PTPRN: variants seen among roughly 807,000 people sequenced by gnomAD.
PTPRN encodes receptor-type tyrosine-protein phosphatase-like N.
Under a neutral mutation model 108.5 loss-of-function variants are expected in PTPRN, and 70 were observed. That is an observed-to-expected ratio of 0.65 (90% CI 0.53 to 0.79). PTPRN has a LOEUF of 0.79. Among genes scored for constraint, PTPRN ranks in the 30% least tolerant of loss-of-function variants. PTPRN has a pLI of 0.00. For synonymous variants in PTPRN, 496 were observed against 524.6 expected (o/e 0.95, Z 0.75); for missense variants, 1,136 against 1,295.5 (o/e 0.88, Z 1.89).
chr2:219,290,295 G>A lies in PTPRN; in HGVS notation c.2871C>T (p.Asp957=), dbSNP rs749985511. 5.6e-6 allele frequency: 9 copies of A among 1,613,522 alleles called. No individual in the cohort carries two copies. The African/African-American group carries it at 1.2e-4, about 22-fold the overall frequency. The stretch of plus-strand genomic sequence containing the variant: ...CGGCTGTCAGGGCAAATTCAAACTG[G>A]TCCTGAGGAAGGGCAGTGGTAGGAT... ...DQRPGLVRSK[D]QFEFALTAVA... The change falls in exon 23 of 23, where the codon GAC becomes GAT. Residue 957 remains aspartate, a splice_region_variant and synonymous_variant. Coordinates refer to ENST00000295718, the MANE Select transcript of PTPRN (RefSeq NM_002846.4). The surrounding 1 kb of genome is among the most constrained non-coding windows in gnomAD (Gnocchi z 4.2).
rs1399419251 is a variant in PTPRN at position 219,302,287 on chromosome 2, C to A, written c.844G>T (p.Ala282Ser). 6.2e-7 allele frequency: 1 copy of A among 1,614,146 alleles called. No homozygotes were observed. Among genetic ancestry groups the A allele is most frequent in the Non-Finnish European group, 8.5e-7 (1 of 1,180,004 alleles). ...LFQDSGLLYL[A>S]QELPAPSRAR... Reference sequence around the variant, plus strand: ...CTGCTGGGTGCTGGCAACTCCTGGGCCAGATAGAGCAGCCCAGAGTCTTGA... The same window carrying A: ...CTGCTGGGTGCTGGCAACTCCTGGGACAGATAGAGCAGCCCAGAGTCTTGA... The change falls in exon 6 of 23, where the codon GCC becomes TCC. Residue 282 changes from alanine to serine, a missense_variant. Coordinates refer to ENST00000295718, the MANE Select transcript of PTPRN (RefSeq NM_002846.4).
At chr2:219,294,935 C>A (rs754612867) in intron 19 of PTPRN, 40 bp downstream of exon 19, 3 of 1,451,592 alleles carry the variant, frequency 2.1e-6, no homozygotes, top group African/African-American at 1.5e-5. Context: ...GCTCCGCCCC[C>A]GCCCATGCGG....
In PTPRN at chr2:219,290,501, G is replaced by A; in HGVS notation, c.2868+37C>T. 6.5e-7 allele frequency: 1 copy of A among 1,535,476 alleles called. No individual in the cohort carries two copies. Among genetic ancestry groups the A allele is most frequent in the Non-Finnish European group, 8.8e-7 (1 of 1,132,924 alleles). On this transcript the variant is annotated intron_variant, in intron 22 of 22. Coordinates refer to ENST00000295718, the MANE Select transcript of PTPRN (RefSeq NM_002846.4). This position sits in a 1 kb window ranked among gnomAD's most constrained non-coding sequence, Gnocchi z 4.2. ...GGCCAAGAAGTGGGTGCTAGGGAAG[G>A]GTGGGAGCTGGGGTTGGGGCAGGAA...
Position 219,303,773 on chromosome 2 carries a change from G to A in PTPRN, c.339C>T (p.Ile113=), listed in dbSNP as rs747560236. 4 of 1,614,128 alleles carry A rather than the reference G, an allele frequency of 2.5e-6. No homozygotes were observed. In the South Asian group the frequency reaches 4.4e-5, roughly 18 times the overall value. ...QYVISQEMER[I]PRLRPPEPRP... The stretch of plus-strand genomic sequence containing the variant: ...GGGGCTCTGGGGGGCGAAGCCTGGG[G>A]ATGCGCTCCATCTCCTGAGAGATCA... Residue 113 remains isoleucine (I), a synonymous_variant, in exon 4 of 23, where the codon ATC becomes ATT. Transcript: ENST00000295718.
In PTPRN at chr2:219,296,905, G is replaced by A; in HGVS notation, c.2236+80C>T. The A allele has an allele frequency of 6.2e-7, 1 of 1,612,464 alleles. No homozygotes were observed. The highest frequency in any genetic ancestry group is 8.5e-7 in the Non-Finnish European group (1 of 1,178,890). On this transcript the variant is annotated intron_variant, in intron 15 of 22. Transcript: ENST00000295718. The surrounding 1 kb of genome is among the most constrained non-coding windows in gnomAD (Gnocchi z 6.0). ...CTCTGCCACTCAGCCTGAGCCAGAA[G>A]CCCAACCCCTTACCCCAAGCCCTCC... is the stretch of plus-strand genomic sequence containing the variant.
At position 219,290,144 on chromosome 2, in the gene PTPRN, C is replaced by T; in HGVS notation, c.*82G>A. 1 of 1,282,228 alleles carries T rather than the reference C, an allele frequency of 7.8e-7. No homozygotes were observed. The highest frequency in any genetic ancestry group is 1.1e-6 in the Non-Finnish European group (1 of 883,730). 79.4% of individuals were successfully genotyped at this position (1,282,228 alleles called of 1,614,324 possible). The stretch of plus-strand genomic sequence containing the variant: ...CATGCCCAAGAGGTGGCTGGTGGGG[C>T]AGTGAGGAGTGGGTACACAGAGATG... On this transcript the variant is annotated 3_prime_UTR_variant, in exon 23 of 23. Transcript: ENST00000295718. This position sits in a 1 kb window ranked among gnomAD's most constrained non-coding sequence, Gnocchi z 4.2.
At chr2:219,294,812 T>A (rs1952141495) in intron 19 of PTPRN, among the ~76,000 whole-genome samples, 163 bp downstream of exon 19, 1 of 151,838 alleles carries the variant, frequency 6.6e-6, no homozygotes, top group Non-Finnish European at 1.5e-5. Context: ...AGCCGGAGCC[T>A]CAGGCCTGCT....
At chr2:219,308,201 A>C in intron 1 of PTPRN, 4 of 277,712 alleles carry the variant, frequency 1.4e-5, no homozygotes, top group Non-Finnish European at 2.1e-5. Context: ...GCATCCTATA[A>C]TGGCCTGGAA....
At chr2:219,291,022 G>A in intron 20 of PTPRN, 132 bp from the exon 21 acceptor site, 2 of 829,468 alleles carry the variant, frequency 2.4e-6, no homozygotes, top group East Asian at 5.2e-5. Context: ...GCTTGGAGAG[G>A]GACAGTGAGC....
At chr2:219,303,606 G>T in intron 4 of PTPRN, 129 bp downstream of exon 4, 1 of 815,552 alleles carries the variant, frequency 1.2e-6, no homozygotes, top group Non-Finnish European at 2.1e-6. Flanking sequence ...GACCATTCCT[G>T]CACCTCTTTA....
rs1411666583 is a variant in PTPRN at position 219,295,255 on chromosome 2, G to T, written c.2509-114C>A. 13 of 1,210,278 alleles carry T rather than the reference G, an allele frequency of 1.1e-5. No homozygotes were observed. The African/African-American group carries it at 1.4e-4, about 13-fold the overall frequency. 75.0% of individuals were successfully genotyped at this position (1,210,278 alleles called of 1,614,324 possible). A position where few individuals can be genotyped will look rare whatever the true frequency, so the allele number is the denominator to read the frequency against. ...CAACCACCGCCCGGCCTCCCAGGCC[G>T]GTTCAAATTCTAAGTTCCAGCGGTC... On this transcript the variant is annotated intron_variant, in intron 18 of 22. Coordinates refer to ENST00000295718, the MANE Select transcript of PTPRN (RefSeq NM_002846.4).
chr2:219,291,021 G>GGGAC, intron 20 of PTPRN, 131 bp from the exon 21 acceptor site: 1 of 829,430 alleles, frequency 1.2e-6, no homozygotes, highest in Non-Finnish European at 2.0e-6. Flanking sequence ...GGCTTGGAGA[G>GGGAC]GGACAGTGAG....
In PTPRN at chr2:219,290,920, T is replaced by C. The variant is rs1253656656; in HGVS notation, c.2730-30A>G. On this transcript the variant is annotated intron_variant, in intron 20 of 22. Transcript: ENST00000295718. This position sits in a 1 kb window ranked among gnomAD's most constrained non-coding sequence, Gnocchi z 4.2. ...AACAGGAGTTAGTGACAGGTTTAGCTTGAGATGCAGCAGAAAGGGGGAGGG... is the reference window on the plus strand; with the variant it reads ...AACAGGAGTTAGTGACAGGTTTAGCCTGAGATGCAGCAGAAAGGGGGAGGG... 1.9e-6 allele frequency: 3 copies of C among 1,605,996 alleles called. No homozygotes were observed. The highest frequency in any genetic ancestry group is 1.7e-5 in the Admixed American group (1 of 59,964).
chr2:219,298,848 C>G (rs1223994273), intron 12 of PTPRN, among the ~76,000 whole-genome samples, 199 bp downstream of exon 12: 1 of 152,282 alleles, frequency 6.6e-6, no homozygotes, highest in Non-Finnish European at 1.5e-5. Flanking sequence ...AGGGCTGGTC[C>G]TGCAGGGAGG....
At chr2:219,299,818 T>TG in intron 9 of PTPRN, 32 bp from the exon 10 acceptor site, 1 of 1,581,532 alleles carries the variant, frequency 6.3e-7, no homozygotes, top group Non-Finnish European at 8.6e-7. Flanking sequence ...GGAAGGAAAG[T>TG]GGGGCAACCC....
At chr2:219,302,937 A>G in intron 4 of PTPRN, 100 bp from the exon 5 acceptor site, 2 of 1,357,376 alleles carry the variant, frequency 1.5e-6, no homozygotes, top group Non-Finnish European at 2.0e-6. Flanking sequence ...AGCGGTTAAG[A>G]GCAGGCCTGA....
In PTPRN at chr2:219,301,631, C is replaced by G; in HGVS notation, c.1083G>C (p.Leu361=). The change falls in exon 7 of 23, where the codon CTG becomes CTC. Residue 361 remains leucine (L), a synonymous_variant. Coordinates refer to ENST00000295718, the MANE Select transcript of PTPRN (RefSeq NM_002846.4). ...CCTTGGGCAGTAGCTGCAGCAGGGT[C>G]AGGAGTGTGGAGAGCTGCTCAGGGG... ...QLTPEQLSTL[L]TLLQLLPKGA... is the part of the protein sequence containing the mutation. 6.2e-7 allele frequency: 1 copy of G among 1,613,482 alleles called. No individual in the cohort carries two copies. Among genetic ancestry groups the G allele is most frequent in the Non-Finnish European group, 8.5e-7 (1 of 1,179,456 alleles).
chr2:219,302,277 A>C lies in PTPRN; in HGVS notation c.854T>G (p.Leu285Trp). ...DSGLLYLAQELPAPSRARVPR... is the reference protein window; with the variant it reads ...DSGLLYLAQEWPAPSRARVPR... ...CACCCTGGCCCTGCTGGGTGCTGGC[A>C]ACTCCTGGGCCAGATAGAGCAGCCC... Residue 285 changes from leucine (L) to tryptophan (W), a missense_variant, in exon 6 of 23, where the codon TTG (leucine) becomes TGG (tryptophan). Coordinates refer to ENST00000295718, the MANE Select transcript of PTPRN (RefSeq NM_002846.4). 1 of 1,614,188 alleles carries C rather than the reference A, an allele frequency of 6.2e-7. No homozygotes were observed. The highest frequency in any genetic ancestry group is 8.5e-7 in the Non-Finnish European group (1 of 1,180,024).
Position 219,299,114 on chromosome 2 carries a change from G to A in PTPRN, c.1604-3C>T, listed in dbSNP as rs763365333. 3 of 1,614,118 alleles carry A rather than the reference G, an allele frequency of 1.9e-6. No homozygotes were observed. Among genetic ancestry groups the A allele is most frequent in the African/African-American group, 1.3e-5 (1 of 74,944 alleles). ...TTCCAGTTCAGACTTCACCAGCCCTGCAGGGAGGACAAAGGTCAGGCTTGC... is the reference window on the plus strand; with the variant it reads ...TTCCAGTTCAGACTTCACCAGCCCTACAGGGAGGACAAAGGTCAGGCTTGC... On this transcript the variant is annotated splice_region_variant and splice_polypyrimidine_tract_variant and intron_variant, in intron 11 of 22. Transcript: ENST00000295718.
Sources: allele counts gnomAD v4.1 joint callset (sites outside exome capture counted in the v4.1 genomes callset), GRCh38; gene constraint gnomAD v4.1.1; non-coding constraint Gnocchi (gnomAD v3.1); transcripts MANE v1.5; gene names NCBI Gene and HGNC (gene_info 2026-07-23, HGNC 2026-07-21).